The following VPS13C variants were observed in gnomAD, a reference collection of about 807,000 sequenced individuals.
VPS13C encodes vacuolar protein sorting 13 homolog C, also known as intermembrane lipid transfer protein VPS13C.
In VPS13C, 358 loss-of-function variants were observed where a neutral mutation model predicts 456.8. The ratio of observed to expected loss-of-function variants is 0.78; its 90% CI spans 0.72 to 0.86. The LOEUF (loss-of-function observed/expected upper bound fraction) is 0.86. VPS13C is among the 40% of genes least tolerant of loss of function. The probability of loss-of-function intolerance (pLI) is 0.00; values close to 1 mark genes in which losing one functional copy is unlikely to be tolerated. For synonymous variants in VPS13C, 1,578 were observed against 1,486.7 expected (o/e 1.06, Z -1.41); for missense variants, 4,818 against 4,385.4 (o/e 1.10, Z -2.79).
Position 61,868,702 on chromosome 15 carries a change from C to T in VPS13C, c.10820G>A (p.Arg3607His), listed in dbSNP as rs116228685. 6.4e-4 allele frequency: 1,034 copies of T among 1,614,066 alleles called. 2 individuals carry two copies. The highest frequency in any genetic ancestry group is 8.3e-4 in the Non-Finnish European group (985 of 1,180,008). ...CTCAGATTCCTGTCTGTCATAAGGA[C>T]GAATGATGCCATCTTCATGGATCAG... ...PRLIHEDGII[R>H]PYDRQESEGS... Residue 3607 changes from arginine (R) to histidine (H), a missense_variant, in exon 81 of 85, where the codon CGT becomes CAT. Around this residue, in one of 3 missense-constraint regions of VPS13C, gnomAD observed 261 missense variants for 234.1 expected, o/e 1.11. Transcript: ENST00000644861.
intron 1 of VPS13C, among the ~76,000 whole-genome samples, chr15:62,060,055 G>A (rs566080062): frequency 5.9e-5 from 9 of 152,318 alleles, no homozygotes; most frequent in Admixed American, 3.9e-4. Context: ...TGGGAACTTT[G>A]GCAGCGCGGG....
At chr15:61,988,139 G>T (rs1056553079) in intron 18 of VPS13C, among the ~76,000 whole-genome samples, 3 of 152,124 alleles carry the variant, frequency 2.0e-5, no homozygotes, top group Admixed American at 6.6e-5. Context: ...AACAACGCAT[G>T]AACTGGAAAA....
Position 61,884,270 on chromosome 15 carries a change from C to T in VPS13C, c.9342-1G>A. 1 of 1,608,036 alleles carries T rather than the reference C, an allele frequency of 6.2e-7. No homozygotes were observed. Among genetic ancestry groups the T allele is most frequent in the South Asian group, 1.1e-5 (1 of 89,704 alleles). ...TTTCACCTCCCAAACAACACCAGAA[C>T]TAAATAATTCACACAAAAAAATTAA... is the stretch of plus-strand genomic sequence containing the variant. On this transcript the variant is annotated splice_acceptor_variant, in intron 67 of 84. Transcript: ENST00000644861. LOFTEE classifies it high-confidence loss of function.
chr15:61,907,418 C>T, intron 65 of VPS13C, 28 bp from the exon 66 acceptor site: 3 of 1,609,522 alleles, frequency 1.9e-6, no homozygotes, highest in Non-Finnish European at 2.5e-6. Context: ...GAGAGAAAAT[C>T]AGAATATCTT....
intron 66 of VPS13C, chr15:61,906,923 A>G (rs2043167943): frequency 4.3e-6 from 1 of 231,114 alleles, no homozygotes; most frequent in South Asian, 6.2e-5. Flanking sequence ...TTAAAAACTC[A>G]TAGCCAAAAG....
intron 9 of VPS13C, among the ~76,000 whole-genome samples, chr15:62,018,324 T>G (rs527421929): frequency 2.5e-4 from 38 of 152,012 alleles, no homozygotes; most frequent in Non-Finnish European, 4.1e-4. Context: ...CAACACTATG[T>G]GGAATAGGAG....
intron 30 of VPS13C, 42 bp downstream of exon 30, chr15:61,966,041 T>G (rs181748489): frequency 1.3e-6 from 2 of 1,502,544 alleles, no homozygotes; most frequent in African/African-American, 2.8e-5. Flanking sequence ...TGAGACTAGG[T>G]TATTTTCAAA....
At chr15:62,017,051 T>C (rs1051959479) in intron 9 of VPS13C, among the ~76,000 whole-genome samples, 1 of 152,224 alleles carries the variant, frequency 6.6e-6, no homozygotes, top group Non-Finnish European at 1.5e-5. Flanking sequence ...CATGTGTCTG[T>C]TGGCTGCATA....
intron 5 of VPS13C, among the ~76,000 whole-genome samples, chr15:62,031,622 GT>G (rs2047823391): frequency 6.6e-6 from 1 of 151,832 alleles, no homozygotes; most frequent in South Asian, 2.1e-4. Context: ...AAAACTGAGT[GT>G]TAAAAGAGTT....
intron 67 of VPS13C, among the ~76,000 whole-genome samples, chr15:61,889,629 G>C (rs1566971462): frequency 6.6e-6 from 1 of 151,924 alleles, no homozygotes; most frequent in Admixed American, 6.6e-5. Flanking sequence ...AAAATAACTG[G>C]TCCCATAACT....
At chr15:61,988,201 AG>A (rs2046117934) in intron 18 of VPS13C, among the ~76,000 whole-genome samples, 1 of 152,234 alleles carries the variant, frequency 6.6e-6, no homozygotes, top group African/African-American at 2.4e-5. Flanking sequence ...AGGCAAAAGA[AG>A]AAAAATGACT....
intron 9 of VPS13C, among the ~76,000 whole-genome samples, chr15:62,014,453 A>C (rs1043083980): frequency 3.3e-5 from 5 of 152,304 alleles, no homozygotes; most frequent in Admixed American, 1.3e-4. Context: ...GGCGTTATTG[A>C]GAAACTTGTT....
At chr15:61,916,602 C>T (rs2043479424) in intron 60 of VPS13C, among the ~76,000 whole-genome samples, 4 of 151,898 alleles carry the variant, frequency 2.6e-5, no homozygotes, top group Admixed American at 2.6e-4. Context: ...CTATTTAATT[C>T]ATTTAATTAA....
chr15:61,913,343 C>G lies in VPS13C; in HGVS notation c.8518G>C (p.Val2840Leu). The change falls in exon 62 of 85, where the codon GTG (valine) becomes CTG (leucine). Residue 2840 changes from valine (V) to leucine (L), a missense_variant. Val to Leu is a conservative substitution (Grantham distance 32, BLOSUM62 1). Coordinates refer to ENST00000644861, the MANE Select transcript of VPS13C (RefSeq NM_020821.3). The stretch of plus-strand genomic sequence containing the variant: ...TCCATATTGTTGGCAGGACACTTCA[C>G]ACACCCATAACTTCCCACTGTATCC... ...SLDTVGSYGCVKCPANNMEYL... is the reference protein window; with the variant it reads ...SLDTVGSYGCLKCPANNMEYL... The G allele has an allele frequency of 1.2e-6, 2 of 1,614,122 alleles. No homozygotes were observed. Among genetic ancestry groups the G allele is most frequent in the Non-Finnish European group, 1.7e-6 (2 of 1,179,990 alleles).
intron 66 of VPS13C, among the ~76,000 whole-genome samples, chr15:61,903,270 A>C (rs1277160442): frequency 6.6e-6 from 1 of 152,002 alleles, no homozygotes; most frequent in Non-Finnish European, 1.5e-5. Flanking sequence ...TGGGAGGTTG[A>C]GGCTGGAGTG....
intron 35 of VPS13C, among the ~76,000 whole-genome samples, chr15:61,961,267 C>T (rs945721108): frequency 2.0e-5 from 3 of 151,666 alleles, no homozygotes; most frequent in Admixed American, 2.0e-4. Context: ...TAGCACATGT[C>T]TATAGTCCCA....
Position 61,919,419 on chromosome 15 carries a change from A to G in VPS13C, c.7508T>C (p.Ile2503Thr). 1 of 1,590,178 alleles carries G rather than the reference A, an allele frequency of 6.3e-7. No homozygotes were observed. The highest frequency in any genetic ancestry group is 8.5e-7 in the Non-Finnish European group (1 of 1,171,030). Residue 2503 changes from isoleucine to threonine, a missense_variant, in exon 58 of 85, where the codon ATC becomes ACC. Coordinates refer to ENST00000644861, the MANE Select transcript of VPS13C (RefSeq NM_020821.3). The part of the protein sequence containing the change: ...VPHGYTEVAN[I>T]PVARPGRRLY... ...TCGCCGTCCAGGTCTGGCCACAGGG[A>G]TATTTGCAACTTCTGTATATCCATG...
At chr15:61,943,567 T>C (rs2044502407) in intron 45 of VPS13C, among the ~76,000 whole-genome samples, 3 of 152,168 alleles carry the variant, frequency 2.0e-5, no homozygotes, top group Non-Finnish European at 4.4e-5. Flanking sequence ...GCTAGCCATA[T>C]GCAAAAGAAT....
At chr15:61,882,355 G>A (rs1234135099) in intron 69 of VPS13C, among the ~76,000 whole-genome samples, 1 of 151,998 alleles carries the variant, frequency 6.6e-6, no homozygotes, top group Non-Finnish European at 1.5e-5. Context: ...GAACATTTAA[G>A]AATAACAATC....
Sources: gnomAD v4.1 joint callset for allele counts (sites outside exome capture counted in the v4.1 genomes callset) on GRCh38, gnomAD v4.1.1 for gene constraint, gnomAD v4.1.1 regional missense constraint, MANE v1.5 for transcripts, NCBI Gene and HGNC (gene_info 2026-07-23, HGNC 2026-07-21) for gene names.